The following TNR variants were observed in gnomAD, a reference collection of about 807,000 sequenced individuals.
The protein encoded by TNR is tenascin R.
A neutral mutation model predicts 150.4 loss-of-function variants in TNR; 45 were observed. That is an observed-to-expected ratio of 0.30 (90% CI 0.24 to 0.38). The LOEUF (loss-of-function observed/expected upper bound fraction) is 0.38. Among genes scored for constraint, TNR ranks in the 10% least tolerant of loss-of-function variants. TNR has a pLI of 1.00. For synonymous variants in TNR, 687 were observed against 678.4 expected (o/e 1.01, Z -0.20); for missense variants, 1,544 against 1,759.1 (o/e 0.88, Z 2.19).
chr1:175,636,012 G>A (rs1385132894), intron 1 of TNR, among the ~76,000 whole-genome samples: 1 of 152,158 alleles, frequency 6.6e-6, no homozygotes, highest in Non-Finnish European at 1.5e-5. Context: ...GCCATACCAT[G>A]GGTGCCAGCT....
At chr1:175,416,129 TAC>T (rs3030909) in intron 2 of TNR, among the ~76,000 whole-genome samples, 4,664 of 151,320 alleles carry the variant, frequency 0.031, 216 homozygotes, top group African/African-American at 0.1. Context: ...TATATATATA[TAC>T]ACACACACAC....
chr1:175,626,324 G>A (rs1279304272), intron 1 of TNR, among the ~76,000 whole-genome samples: 2 of 152,104 alleles, frequency 1.3e-5, no homozygotes, highest in South Asian at 2.1e-4. Context: ...TCGTGCAAAG[G>A]TCATTAAAAT....
chr1:175,678,201 A>G (rs541634738), intron 1 of TNR, among the ~76,000 whole-genome samples: 17 of 152,252 alleles, frequency 1.1e-4, no homozygotes, highest in Admixed American at 1.0e-3. Flanking sequence ...CCTAAGGATG[A>G]GGGAGGTGGC....
intron 2 of TNR, among the ~76,000 whole-genome samples, chr1:175,475,480 C>T (rs148730551): frequency 1.3e-3 from 203 of 152,276 alleles, no homozygotes; most frequent in African/African-American, 4.8e-3. Context: ...TCCTTAAAAA[C>T]CTGATCTTTT....
At chr1:175,452,327 A>G (rs965251045) in intron 2 of TNR, among the ~76,000 whole-genome samples, 1 of 152,254 alleles carries the variant, frequency 6.6e-6, no homozygotes, top group Non-Finnish European at 1.5e-5. Flanking sequence ...AAATGACAAT[A>G]CACAAGAGTA....
chr1:175,476,554 T>A (rs1657552479), intron 2 of TNR, among the ~76,000 whole-genome samples: 1 of 152,198 alleles, frequency 6.6e-6, no homozygotes, highest in Non-Finnish European at 1.5e-5. Flanking sequence ...ATTGATGCTC[T>A]TTGGGCTTCT....
chr1:175,501,878 G>C (rs1436052887), intron 2 of TNR, among the ~76,000 whole-genome samples: 1 of 152,138 alleles, frequency 6.6e-6, no homozygotes, highest in Non-Finnish European at 1.5e-5. Context: ...GTGGTGACCT[G>C]AGCACAGCCC....
At chr1:175,438,288 T>C (rs1439266981) in intron 2 of TNR, among the ~76,000 whole-genome samples, 3 of 152,296 alleles carry the variant, frequency 2.0e-5, no homozygotes, top group East Asian at 1.9e-4. Flanking sequence ...CACATGATTA[T>C]CTCAATAGAT....
At chr1:175,437,100 A>G (rs1258712525) in intron 2 of TNR, among the ~76,000 whole-genome samples, 1 of 152,224 alleles carries the variant, frequency 6.6e-6, no homozygotes, top group Non-Finnish European at 1.5e-5. Flanking sequence ...CACCACACCA[A>G]TTCCAAAACT....
intron 9 of TNR, among the ~76,000 whole-genome samples, chr1:175,370,019 G>A: frequency 6.6e-6 from 1 of 152,156 alleles, no homozygotes; most frequent in African/African-American, 2.4e-5. Flanking sequence ...TCTTAAACCA[G>A]CTCCCTTTCT....
At chr1:175,369,738 G>A (rs1397865531) in intron 9 of TNR, among the ~76,000 whole-genome samples, 3 of 152,114 alleles carry the variant, frequency 2.0e-5, no homozygotes, top group East Asian at 1.9e-4. Flanking sequence ...TCCTTCCACC[G>A]CTCAGGGCAG....
chr1:175,686,605 T>G (rs763390633), intron 1 of TNR, among the ~76,000 whole-genome samples: 3 of 152,204 alleles, frequency 2.0e-5, no homozygotes, highest in African/African-American at 7.2e-5. Context: ...ATAGTAAATA[T>G]AGTACCCAAT....
intron 1 of TNR, among the ~76,000 whole-genome samples, chr1:175,735,458 G>T (rs1481023565): frequency 2.0e-5 from 3 of 152,194 alleles, no homozygotes; most frequent in Non-Finnish European, 2.9e-5. Context: ...GCTTATTAGG[G>T]TATATGTTTT....
chr1:175,508,798 G>C (rs1659054556), intron 2 of TNR, among the ~76,000 whole-genome samples: 1 of 152,358 alleles, frequency 6.6e-6, no homozygotes, highest in Non-Finnish European at 1.5e-5. Context: ...CAGAAACTGT[G>C]AAGCACTGAA....
At chr1:175,597,370 C>G (rs1663050931) in intron 1 of TNR, among the ~76,000 whole-genome samples, 1 of 152,170 alleles carries the variant, frequency 6.6e-6, no homozygotes, top group South Asian at 2.1e-4. Flanking sequence ...CTTTGTTCCC[C>G]ACATGTCCTG....
intron 1 of TNR, among the ~76,000 whole-genome samples, chr1:175,600,426 G>A (rs1053341229): frequency 1.3e-5 from 2 of 152,166 alleles, no homozygotes; most frequent in Non-Finnish European, 2.9e-5. Flanking sequence ...GTTACTCTTG[G>A]CTACCAATAT....
intron 5 of TNR, 37 bp downstream of exon 5, chr1:175,396,507 A>C (rs1653431446): frequency 6.3e-7 from 1 of 1,597,674 alleles, no homozygotes; most frequent in Non-Finnish European, 8.6e-7. Flanking sequence ...ATGTAGGAGA[A>C]AAGAAAAATG....
intron 1 of TNR, among the ~76,000 whole-genome samples, chr1:175,742,296 A>G (rs1191125234): frequency 6.6e-6 from 1 of 152,198 alleles, no homozygotes; most frequent in East Asian, 1.9e-4. Flanking sequence ...TACCACTTCA[A>G]GCCCTCCTGA....
Position 175,494,617 on chromosome 1 carries a change from C to T in TNR, c.-64+33652G>A, listed in dbSNP as rs79723671. On this transcript the variant is annotated intron_variant, in intron 2 of 22. Transcript: ENST00000367674. Reference sequence around the variant, plus strand: ...GTATCTGACACTGGGCTCCTGGTTGCCTGTTTATCACTTTTGTATTTATAT... The same window carrying T: ...GTATCTGACACTGGGCTCCTGGTTGTCTGTTTATCACTTTTGTATTTATAT... Among the ~76,000 whole-genome samples the T allele has an allele frequency of 7.5e-3, 1,149 of 152,284 alleles. 9 individuals are homozygous for T. Among genetic ancestry groups the T allele is most frequent in the African/African-American group, 0.026 (1,095 of 41,540 alleles).
Sources: allele counts gnomAD v4.1 joint callset (sites outside exome capture counted in the v4.1 genomes callset), GRCh38; gene constraint gnomAD v4.1.1; transcripts MANE v1.5; gene names NCBI Gene and HGNC (gene_info 2026-07-23, HGNC 2026-07-21).